The following PTPRD variants were observed in gnomAD, a reference collection of about 807,000 sequenced individuals.
The protein encoded by PTPRD is protein tyrosine phosphatase receptor type D, also known as receptor-type tyrosine-protein phosphatase delta.
PTPRD carries 34 observed loss-of-function variants against 214.5 expected under a neutral mutation model. The observed-to-expected ratio is 0.16, with a 90% CI of 0.12 to 0.21. The LOEUF (loss-of-function observed/expected upper bound fraction) is 0.21, where lower values mean the gene tolerates loss of function less well. Ranked by LOEUF, PTPRD falls within the 10% of genes least tolerant of loss-of-function variation. The pLI, the probability that PTPRD is intolerant of heterozygous loss-of-function variation, is 1.00. For synonymous variants in PTPRD, 1,128 were observed against 845.7 expected, an observed-to-expected ratio of 1.33 and a Z score of -5.79; for missense variants, 2,545 against 2,398.7, an observed-to-expected ratio of 1.06 and a Z score of -1.27.
chr9:10,408,186 T>C (rs988216459), intron 2 of PTPRD, among the ~76,000 whole-genome samples: 3 of 151,570 alleles, frequency 2.0e-5, no homozygotes, highest in Non-Finnish European at 4.4e-5. Context: ...CCTAAGGTTC[T>C]GGTTCCTGTA....
intron 28 of PTPRD, 198 bp downstream of exon 28, chr9:8,485,564 G>C: frequency 1.6e-6 from 1 of 638,006 alleles, no homozygotes. Context: ...TTGGGGTGCT[G>C]TCAGCCAGAC....
chr9:8,985,190 T>A (rs1038028810), intron 11 of PTPRD, among the ~76,000 whole-genome samples: 13 of 152,040 alleles, frequency 8.6e-5, no homozygotes, highest in African/African-American at 2.9e-4. Context: ...TTTCAGAAGT[T>A]TTTAGGAGAA....
intron 12 of PTPRD, among the ~76,000 whole-genome samples, chr9:8,638,885 C>A (rs1288884370): frequency 1.3e-5 from 2 of 151,904 alleles, no homozygotes; most frequent in East Asian, 3.9e-4. Flanking sequence ...ACTCTGTCGC[C>A]AGGGTGGAGT....
chr9:10,397,159 A>T (rs555271325), intron 2 of PTPRD, among the ~76,000 whole-genome samples: 11 of 152,158 alleles, frequency 7.2e-5, no homozygotes, highest in African/African-American at 2.2e-4. Context: ...ACAATATTCA[A>T]ATTGGAAAAA....
chr9:8,690,513 A>G (rs1397704800), intron 12 of PTPRD, among the ~76,000 whole-genome samples: 1 of 143,340 alleles, frequency 7.0e-6, no homozygotes. Flanking sequence ...TGGGCGACAG[A>G]GCAAGACTCC....
intron 11 of PTPRD, among the ~76,000 whole-genome samples, chr9:8,737,785 G>C (rs1280064226): frequency 6.6e-6 from 1 of 152,060 alleles, no homozygotes; most frequent in African/African-American, 2.4e-5. Context: ...TGAGTGGCTG[G>C]GATTACAGGT....
intron 9 of PTPRD, among the ~76,000 whole-genome samples, chr9:9,372,539 C>A (rs1053243608): frequency 6.6e-6 from 1 of 152,082 alleles, no homozygotes; most frequent in African/African-American, 2.4e-5. Context: ...CTGAATACAG[C>A]ACACTGATGG....
At chr9:8,801,009 G>A (rs1479627508) in intron 11 of PTPRD, among the ~76,000 whole-genome samples, 1 of 152,144 alleles carries the variant, frequency 6.6e-6, no homozygotes, top group South Asian at 2.1e-4. Flanking sequence ...ATCTCTCTAA[G>A]CCTTAGTTTC....
intron 5 of PTPRD, among the ~76,000 whole-genome samples, chr9:9,850,466 G>C (rs918741329): frequency 6.6e-6 from 1 of 152,044 alleles, no homozygotes; most frequent in African/African-American, 2.4e-5. Flanking sequence ...ACATTTTCTG[G>C]AGTCATGTGA....
chr9:9,055,197 C>A (rs2099693953), intron 10 of PTPRD, among the ~76,000 whole-genome samples: 2 of 152,048 alleles, frequency 1.3e-5, no homozygotes, highest in African/African-American at 2.4e-5. Context: ...TAAAGGTATT[C>A]ATTGCAGCAT....
chr9:9,945,860 G>T (rs925517694), intron 4 of PTPRD, among the ~76,000 whole-genome samples: 1 of 151,966 alleles, frequency 6.6e-6, no homozygotes, highest in Non-Finnish European at 1.5e-5. Context: ...GAAACAAAGA[G>T]CACACACACA....
At chr9:8,425,641 T>G (rs1286705689) in intron 35 of PTPRD, among the ~76,000 whole-genome samples, 2 of 151,632 alleles carry the variant, frequency 1.3e-5, no homozygotes, top group Admixed American at 6.6e-5. Context: ...AAGATTAACT[T>G]AACAATTATT....
At chr9:9,766,784 T>A (rs909728931) in intron 6 of PTPRD, 26 bp downstream of exon 6, 2 of 152,526 alleles carry the variant, frequency 1.3e-5, no homozygotes, top group African/African-American at 4.8e-5. Flanking sequence ...TGGAGAAATT[T>A]TAAAATATAT....
chr9:10,334,070 T>C (rs2096798814), intron 3 of PTPRD, among the ~76,000 whole-genome samples: 2 of 151,646 alleles, frequency 1.3e-5, no homozygotes, highest in African/African-American at 4.8e-5. Flanking sequence ...GGTTAGTATA[T>C]AAAATATTAT....
intron 2 of PTPRD, among the ~76,000 whole-genome samples, chr9:10,600,827 T>C (rs887588251): frequency 6.6e-6 from 1 of 151,760 alleles, no homozygotes; most frequent in African/African-American, 2.4e-5. Context: ...GTACTATATA[T>C]GATACTCTGA....
chr9:8,876,919 CTTT>C (rs1182933354), intron 11 of PTPRD, among the ~76,000 whole-genome samples: 1 of 151,488 alleles, frequency 6.6e-6, no homozygotes, highest in Non-Finnish European at 1.5e-5. Flanking sequence ...CCCTGTTTTT[CTTT>C]TTTCTTTTTC....
intron 14 of PTPRD, among the ~76,000 whole-genome samples, chr9:8,550,756 A>G (rs961093365): frequency 3.3e-5 from 5 of 152,258 alleles, no homozygotes; most frequent in Admixed American, 2.6e-4. Flanking sequence ...TTGGCCCTAT[A>G]GTCTACAGCT....
At chr9:8,756,103 G>A (rs1481908316) in intron 11 of PTPRD, among the ~76,000 whole-genome samples, 2 of 152,128 alleles carry the variant, frequency 1.3e-5, no homozygotes, top group Admixed American at 6.5e-5. Flanking sequence ...GAAGGCCCCT[G>A]GGGCCAAGAG....
intron 3 of PTPRD, among the ~76,000 whole-genome samples, chr9:10,196,681 T>C (rs978252810): frequency 6.6e-6 from 1 of 152,122 alleles, no homozygotes; most frequent in African/African-American, 2.4e-5. Context: ...ATATAATACA[T>C]CATGGTAGGC....
Sources: allele counts gnomAD v4.1 joint callset (sites outside exome capture counted in the v4.1 genomes callset), GRCh38; gene constraint gnomAD v4.1.1; transcripts MANE v1.5; gene names NCBI Gene and HGNC (gene_info 2026-07-23, HGNC 2026-07-21).